The following MEMO1 variants were observed in gnomAD, a reference collection of about 807,000 sequenced individuals.
MEMO1 encodes the protein protein MEMO1.
MEMO1 carries 6 observed loss-of-function variants against 45.2 expected under a neutral mutation model. The observed-to-expected ratio is 0.13, with a 90% CI of 0.07 to 0.26. The LOEUF is 0.26. Ranked by LOEUF, MEMO1 falls within the 10% of genes least tolerant of loss-of-function variation. The pLI is 1.00. For synonymous variants in MEMO1, 78 were observed against 124.3 expected (o/e 0.63, Z 2.48); for missense variants, 184 against 370.5 (o/e 0.50, Z 4.13).
At chr2:32,000,812 A>G (rs1244087161) in intron 2 of MEMO1, among the ~76,000 whole-genome samples, 3 of 151,326 alleles carry the variant, frequency 2.0e-5, no homozygotes, top group Non-Finnish European at 4.4e-5. Flanking sequence ...TCCATGACAT[A>G]GCCCTCAAGA....
Position 31,954,827 on chromosome 2 carries a change from T to C in MEMO1, c.62-11444A>G, listed in dbSNP as rs866801285. 2.0e-5 allele frequency among the ~76,000 whole-genome samples: 3 copies of C among 147,758 alleles called. No individual in the cohort carries two copies. The South Asian group carries it at 6.4e-4, about 32-fold the overall frequency. On this transcript the variant is annotated intron_variant, in intron 2 of 9. Coordinates refer to ENST00000404530, the MANE Select transcript of MEMO1 (RefSeq NM_001301833.4). The stretch of plus-strand genomic sequence containing the variant: ...CCAGCCTGGGCAATAACAGCGAAAC[T>C]CTGTTTTGAAAAAAAAAAAAAAGAA...
chr2:31,884,859 A>G (rs866889027), intron 7 of MEMO1, among the ~76,000 whole-genome samples: 13 of 152,174 alleles, frequency 8.5e-5, no homozygotes, highest in African/African-American at 3.1e-4. Context: ...GACTGAAACA[A>G]TATCTGCTTC....
intron 4 of MEMO1, among the ~76,000 whole-genome samples, chr2:31,930,043 C>T (rs531464806): frequency 1.2e-4 from 18 of 152,330 alleles, no homozygotes; most frequent in East Asian, 3.9e-4. Flanking sequence ...GCGGATCACC[C>T]GCAGTCAGGA....
chr2:31,940,854 T>C lies in MEMO1; in HGVS notation c.143+2448A>G, dbSNP rs1665528482. 2.6e-5 allele frequency among the ~76,000 whole-genome samples: 4 copies of C among 152,172 alleles called. No homozygotes were observed. In the South Asian group the frequency reaches 8.3e-4, roughly 32 times the overall value. On this transcript the variant is annotated intron_variant, in intron 3 of 9. Transcript: ENST00000404530. ...AGCCAAGTGTCATTCTTGACTCTTC[T>C]TCTCTCTATCTTGTTGGTCCAACCT...
At chr2:31,923,796 C>T (rs966800290) in intron 4 of MEMO1, 27 of 1,484,104 alleles carry the variant, frequency 1.8e-5, no homozygotes, top group Middle Eastern at 1.8e-4. Flanking sequence ...TCAAGGCATA[C>T]ATAAATTTCC....
At chr2:31,952,236 T>C (rs1666922458) in intron 2 of MEMO1, among the ~76,000 whole-genome samples, 1 of 152,228 alleles carries the variant, frequency 6.6e-6, no homozygotes, top group African/African-American at 2.4e-5. Context: ...TTCCTTACTA[T>C]CTACTAATTT....
intron 3 of MEMO1, among the ~76,000 whole-genome samples, chr2:31,935,720 C>G (rs551965134): frequency 4.6e-5 from 7 of 152,278 alleles, no homozygotes; most frequent in African/African-American, 1.7e-4. Context: ...ACAATCAAAT[C>G]ACACTACAGA....
At chr2:31,980,370 C>A (rs1297289839) in intron 2 of MEMO1, among the ~76,000 whole-genome samples, 1 of 152,124 alleles carries the variant, frequency 6.6e-6, no homozygotes, top group African/African-American at 2.4e-5. Flanking sequence ...GAGTTGGAGG[C>A]TGCAATGAGC....
intron 7 of MEMO1, among the ~76,000 whole-genome samples, chr2:31,891,455 T>C (rs1676965213): frequency 6.6e-6 from 1 of 151,960 alleles, no homozygotes; most frequent in Non-Finnish European, 1.5e-5. Context: ...TATAAAAACA[T>C]TACCAATGAT....
chr2:31,998,449 C>T (rs1249759494), intron 2 of MEMO1, among the ~76,000 whole-genome samples: 2 of 152,132 alleles, frequency 1.3e-5, no homozygotes, highest in Admixed American at 6.6e-5. Flanking sequence ...GGTCACTGAA[C>T]CTCTTTTGTC....
intron 2 of MEMO1, chr2:31,963,128 G>C: frequency 6.7e-7 from 1 of 1,499,934 alleles, no homozygotes; most frequent in Admixed American, 2.1e-5. Context: ...TACACCATTA[G>C]CTCTCCCATT....
rs371353377 is a variant in MEMO1 at position 31,948,760 on chromosome 2, G to A, written c.62-5377C>T. Among the ~76,000 whole-genome samples the A allele has an allele frequency of 2.0e-5, 3 of 152,290 alleles. 1 individual carries two copies. On this transcript the variant is annotated intron_variant, in intron 2 of 9. Coordinates refer to ENST00000404530, the MANE Select transcript of MEMO1 (RefSeq NM_001301833.4). ...CTAAAAATACAAAATTTAGCCAGGC[G>A]TAGTGGTGCACACCTGTAGTCCCAG...
intron 4 of MEMO1, among the ~76,000 whole-genome samples, chr2:31,930,106 A>G (rs2082185): frequency 0.21 from 31,647 of 152,156 alleles, 4,071 homozygotes; most frequent in East Asian, 0.46. Flanking sequence ...CACTAAAAAT[A>G]CAAAAAATTA....
At chr2:31,911,049 G>A (rs1680490650) in intron 6 of MEMO1, among the ~76,000 whole-genome samples, 1 of 151,648 alleles carries the variant, frequency 6.6e-6, no homozygotes, top group Non-Finnish European at 1.5e-5. Context: ...CAAAAAAAAA[G>A]GGGGAGAAGA....
At chr2:31,985,237 A>G (rs1396831142) in intron 2 of MEMO1, among the ~76,000 whole-genome samples, 1 of 152,262 alleles carries the variant, frequency 6.6e-6, no homozygotes, top group Admixed American at 6.5e-5. Context: ...TAAAATCTAT[A>G]AACGCTGAAA....
At position 31,943,392 on chromosome 2, in the gene MEMO1, A is replaced by C; in HGVS notation, c.62-9T>G. On this transcript the variant is annotated splice_polypyrimidine_tract_variant and intron_variant, in intron 2 of 9. Coordinates refer to ENST00000404530, the MANE Select transcript of MEMO1 (RefSeq NM_001301833.4). ...TGCATTCAGCTGCGGTCCTATAAAA[A>C]GACAAAGACAAAATTAGAGTCAGCA... is the stretch of plus-strand genomic sequence containing the variant. 1 of 1,605,372 alleles carries C rather than the reference A, an allele frequency of 6.2e-7. No individual in the cohort carries two copies. Among genetic ancestry groups the C allele is most frequent in the Non-Finnish European group, 8.5e-7 (1 of 1,172,010 alleles).
At chr2:31,987,206 T>C (rs1457078219) in intron 2 of MEMO1, among the ~76,000 whole-genome samples, 2 of 152,168 alleles carry the variant, frequency 1.3e-5, no homozygotes, top group Non-Finnish European at 2.9e-5. Context: ...TCTCGCTATG[T>C]TGTCCTGGCT....
chr2:31,978,968 C>CA (rs534353815), intron 2 of MEMO1, among the ~76,000 whole-genome samples: 18 of 151,682 alleles, frequency 1.2e-4, no homozygotes, highest in African/African-American at 4.3e-4. Flanking sequence ...CATCCCCCCC[C>CA]AAAAAAAAGT....
rs117504866 is a variant in MEMO1 at position 32,001,835 on chromosome 2, C to A, written c.61+8352G>T. ...CTGCATTACCAACCCTATACCTAAT[C>A]ATAAGATTATTGTAACAATTAAAAA... is the stretch of plus-strand genomic sequence containing the variant. On this transcript the variant is annotated intron_variant, in intron 2 of 9. Transcript: ENST00000404530. Among the ~76,000 whole-genome samples, 178 of 152,156 alleles carry A rather than the reference C, an allele frequency of 1.2e-3. 2 individuals are homozygous for A. In the East Asian group the frequency reaches 0.033, roughly 28 times the overall value.
Sources: allele counts gnomAD v4.1 joint callset (sites outside exome capture counted in the v4.1 genomes callset), GRCh38; gene constraint gnomAD v4.1.1; transcripts MANE v1.5; gene names NCBI Gene and HGNC (gene_info 2026-07-23, HGNC 2026-07-21).